Variants in PTPRD observed in about 807,000 individuals in gnomAD.
PTPRD encodes protein tyrosine phosphatase receptor type D, also known as receptor-type tyrosine-protein phosphatase delta.
Under a neutral mutation model 214.5 loss-of-function variants are expected in PTPRD, and 34 were observed. The ratio of observed to expected loss-of-function variants is 0.16; its 90% CI spans 0.12 to 0.21. The LOEUF is 0.21. Among genes scored for constraint, PTPRD ranks in the 10% least tolerant of loss-of-function variants. The probability of loss-of-function intolerance (pLI) is 1.00; values close to 1 mark genes in which losing one functional copy is unlikely to be tolerated. For missense variants in PTPRD, 2,545 were observed against 2,398.7 expected (o/e 1.06, Z -1.27); for synonymous variants, 1,128 against 845.7 (o/e 1.33, Z -5.79).
intron 3 of PTPRD, among the ~76,000 whole-genome samples, chr9:10,099,329 A>G (rs2098528158): frequency 6.6e-6 from 1 of 151,624 alleles, no homozygotes; most frequent in African/African-American, 2.4e-5. Context: ...ATAAAATAAC[A>G]TCCTCCAAAA....
chr9:10,142,101 T>G (rs961802654), intron 3 of PTPRD, among the ~76,000 whole-genome samples: 17 of 152,072 alleles, frequency 1.1e-4, no homozygotes, highest in African/African-American at 3.9e-4. Flanking sequence ...ATCCCTTCCT[T>G]ACACCTTATA....
chr9:9,067,591 T>C (rs1185416159), intron 10 of PTPRD, among the ~76,000 whole-genome samples: 1 of 152,220 alleles, frequency 6.6e-6, no homozygotes, highest in Non-Finnish European at 1.5e-5. Context: ...ACATTTTAAA[T>C]TAGTCTTTTG....
chr9:9,717,694 T>C (rs1179737849), intron 7 of PTPRD, among the ~76,000 whole-genome samples: 1 of 152,182 alleles, frequency 6.6e-6, no homozygotes, highest in East Asian at 1.9e-4. Flanking sequence ...CACAAGTCTT[T>C]GACAATTTAG....
intron 11 of PTPRD, among the ~76,000 whole-genome samples, chr9:8,913,188 C>T (rs1363986738): frequency 6.6e-6 from 1 of 151,772 alleles, no homozygotes; most frequent in East Asian, 1.9e-4. Flanking sequence ...GTAAACTTTA[C>T]CTTGTGTGTG....
chr9:9,214,399 T>G (rs1009760112), intron 9 of PTPRD, among the ~76,000 whole-genome samples: 1 of 152,304 alleles, frequency 6.6e-6, no homozygotes, highest in African/African-American at 2.4e-5. Flanking sequence ...GCTGAATTTG[T>G]TTTAGTCCAC....
At chr9:10,360,584 T>C (rs920157094) in intron 2 of PTPRD, among the ~76,000 whole-genome samples, 1 of 152,220 alleles carries the variant, frequency 6.6e-6, no homozygotes, top group Non-Finnish European at 1.5e-5. Flanking sequence ...CACCAGCTTT[T>C]CTCTTGTCCC....
At chr9:9,225,420 A>G (rs1353142130) in intron 9 of PTPRD, among the ~76,000 whole-genome samples, 1 of 152,022 alleles carries the variant, frequency 6.6e-6, no homozygotes, top group Non-Finnish European at 1.5e-5. Flanking sequence ...AAGGAACACT[A>G]TATAAGAAGA....
intron 3 of PTPRD, among the ~76,000 whole-genome samples, chr9:10,201,819 T>C (rs1326783053): frequency 6.6e-6 from 1 of 152,114 alleles, no homozygotes; most frequent in Non-Finnish European, 1.5e-5. Context: ...AACAAATACA[T>C]TGAAAATACA....
intron 3 of PTPRD, among the ~76,000 whole-genome samples, chr9:10,040,046 C>A (rs2097267110): frequency 6.6e-6 from 1 of 151,970 alleles, no homozygotes. Context: ...CAATGCATGG[C>A]TTTGCTGCAA....
At chr9:9,737,653 T>G (rs1437478911) in intron 6 of PTPRD, among the ~76,000 whole-genome samples, 2 of 152,216 alleles carry the variant, frequency 1.3e-5, no homozygotes, top group African/African-American at 4.8e-5. Flanking sequence ...CCATTTATAC[T>G]GTTGCAATAT....
At chr9:10,380,318 G>A (rs890481827) in intron 2 of PTPRD, among the ~76,000 whole-genome samples, 1 of 152,064 alleles carries the variant, frequency 6.6e-6, no homozygotes, top group African/African-American at 2.4e-5. Context: ...AATGACCCAT[G>A]AGAGCAAACC....
At chr9:8,815,753 A>G (rs1287919037) in intron 11 of PTPRD, among the ~76,000 whole-genome samples, 4 of 152,170 alleles carry the variant, frequency 2.6e-5, no homozygotes, top group Non-Finnish European at 4.4e-5. Context: ...TTCTTTAGTT[A>G]AAGTCATTAA....
At chr9:9,982,951 A>G (rs2095594262) in intron 4 of PTPRD, among the ~76,000 whole-genome samples, 2 of 152,144 alleles carry the variant, frequency 1.3e-5, no homozygotes, top group Non-Finnish European at 2.9e-5. Context: ...ATGGAAAAAC[A>G]AGGTGATGTG....
chr9:9,910,959 A>C (rs1240904485), intron 5 of PTPRD, among the ~76,000 whole-genome samples: 3 of 148,640 alleles, frequency 2.0e-5, no homozygotes, highest in South Asian at 4.3e-4. Flanking sequence ...TTTCTTTAGA[A>C]ACTACTTGCT....
intron 11 of PTPRD, among the ~76,000 whole-genome samples, chr9:8,858,537 CTCTT>C (rs1490098836): frequency 3.3e-5 from 5 of 152,138 alleles, no homozygotes; most frequent in East Asian, 3.9e-4. Flanking sequence ...AAAGGCTTCT[CTCTT>C]TGTTTCCTTG....
intron 12 of PTPRD, among the ~76,000 whole-genome samples, chr9:8,716,961 T>G (rs1423721582): frequency 6.6e-6 from 1 of 151,540 alleles, no homozygotes; most frequent in East Asian, 1.9e-4. Flanking sequence ...AGCCCAAGAG[T>G]TCAAGACCAG....
At chr9:9,300,852 T>C (rs1024849253) in intron 9 of PTPRD, among the ~76,000 whole-genome samples, 19 of 151,890 alleles carry the variant, frequency 1.3e-4, no homozygotes, top group African/African-American at 4.6e-4. Context: ...ACTCTGCTCA[T>C]TGAAAATTAG....
At chr9:9,662,365 G>A (rs913579631) in intron 7 of PTPRD, among the ~76,000 whole-genome samples, 2 of 151,642 alleles carry the variant, frequency 1.3e-5, no homozygotes, top group African/African-American at 4.8e-5. Context: ...ATTTCCTGAA[G>A]GAATGTAATC....
chr9:10,330,928 G>A (rs552481903), intron 3 of PTPRD, among the ~76,000 whole-genome samples: 6 of 151,874 alleles, frequency 4.0e-5, no homozygotes, highest in African/African-American at 1.4e-4. Flanking sequence ...ATCAATATTG[G>A]TGGTGGTGAG....
Sources: gnomAD v4.1 joint callset for allele counts (sites outside exome capture counted in the v4.1 genomes callset) on GRCh38, gnomAD v4.1.1 for gene constraint, MANE v1.5 for transcripts, NCBI Gene and HGNC (gene_info 2026-07-23, HGNC 2026-07-21) for gene names.